SGTA: variants seen among roughly 807,000 people sequenced by gnomAD.
SGTA encodes small glutamine-rich tetratricopeptide repeat-containing protein alpha.
A neutral mutation model predicts 44.3 loss-of-function variants in SGTA; 22 were observed. That is an observed-to-expected ratio of 0.50 (90% CI 0.36 to 0.71). SGTA has a LOEUF of 0.71. Among genes scored for constraint, SGTA ranks in the 30% least tolerant of loss-of-function variants. The pLI is 0.00. For missense variants in SGTA, 341 were observed against 435.9 expected, an observed-to-expected ratio of 0.78 and a Z score of 1.94; for synonymous variants, 174 against 177.6, an observed-to-expected ratio of 0.98 and a Z score of 0.16.
chr19:2,763,809 G>T lies in SGTA; in HGVS notation c.393-52C>A. 1 of 1,497,284 alleles carries T rather than the reference G, an allele frequency of 6.7e-7. No homozygotes were observed. The highest frequency in any genetic ancestry group is 1.2e-5 in the South Asian group (1 of 85,814). The allele number at this position is 1,497,284 out of a possible 1,614,324, so 92.7% of individuals were successfully genotyped here. On this transcript the variant is annotated intron_variant, in intron 5 of 11. Coordinates refer to ENST00000221566, the MANE Select transcript of SGTA (RefSeq NM_003021.4). The surrounding 1 kb of genome is among the most constrained non-coding windows in gnomAD (Gnocchi z 5.8). Reference sequence around the variant, plus strand: ...CCTCACTGGCGGCTCTGAGCCCAGCGGGCAGCCCTTGAGGGGAGCCTGAGA... The same window carrying T: ...CCTCACTGGCGGCTCTGAGCCCAGCTGGCAGCCCTTGAGGGGAGCCTGAGA...
intron 11 of SGTA, among the ~76,000 whole-genome samples, chr19:2,756,683 C>T (rs1568306272): frequency 6.6e-6 from 1 of 151,824 alleles, no homozygotes; most frequent in Non-Finnish European, 1.5e-5. Flanking sequence ...GGACTGAACT[C>T]AGGGGAGCCT....
At chr19:2,756,486 G>A (rs142420855) in intron 11 of SGTA, among the ~76,000 whole-genome samples, 23 of 151,862 alleles carry the variant, frequency 1.5e-4, no homozygotes, top group Admixed American at 1.1e-3. Flanking sequence ...GATTGTTCTT[G>A]CTGCTTTTTA....
In SGTA at chr19:2,755,247, G is replaced by C. The variant is rs1568305756; in HGVS notation, c.*693C>G. The C allele has an allele frequency of 4.4e-6, 1 of 227,570 alleles. No homozygotes were observed. Among genetic ancestry groups the C allele is most frequent in the Non-Finnish European group, 7.4e-6 (1 of 135,206 alleles). The allele number at this position is 227,570 out of a possible 1,614,324, so 14.1% of individuals were successfully genotyped here. A position where few individuals can be genotyped will look rare whatever the true frequency, so the allele number is the denominator to read the frequency against. On this transcript the variant is annotated 3_prime_UTR_variant, in exon 12 of 12. Transcript: ENST00000221566. This position sits in a 1 kb window ranked among gnomAD's most constrained non-coding sequence, Gnocchi z 5.2. ...CTCTCAGTCGCGAGGACCAGAAAATGAGGGTGGGAGGAGGGGAAACATGTC... is the reference window on the plus strand; with the variant it reads ...CTCTCAGTCGCGAGGACCAGAAAATCAGGGTGGGAGGAGGGGAAACATGTC...
chr19:2,779,779 A>G (rs1301659249), intron 1 of SGTA, among the ~76,000 whole-genome samples: 1 of 152,116 alleles, frequency 6.6e-6, no homozygotes, highest in East Asian at 1.9e-4. Flanking sequence ...CAAAATCAAA[A>G]CACAGCCACC....
At chr19:2,771,928 C>T (rs1296454029) in intron 1 of SGTA, among the ~76,000 whole-genome samples, 1 of 152,242 alleles carries the variant, frequency 6.6e-6, no homozygotes, top group Non-Finnish European at 1.5e-5. Flanking sequence ...GCTGGGCAGC[C>T]GCCTTCCCTG....
chr19:2,764,244 C>A (rs1915079466), intron 5 of SGTA, among the ~76,000 whole-genome samples: 1 of 152,172 alleles, frequency 6.6e-6, no homozygotes, highest in South Asian at 2.1e-4. Flanking sequence ...GACAGGCGGC[C>A]AGGAACCCTG....
In SGTA at chr19:2,772,504, C is replaced by T. The variant is rs189500506; in HGVS notation, c.-23-3413G>A. ...CCCAGGGACCCTCTGCGCGCAGCCA[C>T]GCTGACAGGCGGCTCCAGGGGCTGA... On this transcript the variant is annotated intron_variant, in intron 1 of 11. Coordinates refer to ENST00000221566, the MANE Select transcript of SGTA (RefSeq NM_003021.4). Among the ~76,000 whole-genome samples, 526 of 152,340 alleles carry T rather than the reference C, an allele frequency of 3.5e-3. 9 individuals are homozygous for T. Among genetic ancestry groups the T allele is most frequent in the Non-Finnish European group, 3.0e-3 (201 of 68,030 alleles).
Position 2,767,980 on chromosome 19 carries a change from C to T in SGTA, c.101-294G>A, listed in dbSNP as rs548270736. ...GTGGGGTCCCAATGCTGGGGCTGCCCGGCTGCGGCGTGGTGGGGGCTTGGC... is the reference window on the plus strand; with the variant it reads ...GTGGGGTCCCAATGCTGGGGCTGCCTGGCTGCGGCGTGGTGGGGGCTTGGC... On this transcript the variant is annotated intron_variant, in intron 2 of 11. Transcript: ENST00000221566. The surrounding 1 kb of genome is among the most constrained non-coding windows in gnomAD (Gnocchi z 7.3). Among the ~76,000 whole-genome samples, 31 of 152,300 alleles carry T rather than the reference C, an allele frequency of 2.0e-4. No individual in the cohort carries two copies. Among genetic ancestry groups the T allele is most frequent in the Non-Finnish European group, 4.0e-4 (27 of 68,022 alleles).
rs1729291881 is a variant in SGTA at position 2,765,103 on chromosome 19, C to G, written c.392+83G>C. 6.5e-6 allele frequency: 6 copies of G among 927,318 alleles called. No individual in the cohort carries two copies. Among genetic ancestry groups the G allele is most frequent in the Admixed American group, 5.4e-5 (3 of 55,368 alleles). 57.4% of individuals were successfully genotyped at this position (927,318 alleles called of 1,614,324 possible). On this transcript the variant is annotated intron_variant, in intron 5 of 11. Transcript: ENST00000221566. This position sits in a 1 kb window ranked among gnomAD's most constrained non-coding sequence, Gnocchi z 5.5. Reference sequence around the variant, plus strand: ...CCTCATCTACAGCGCAGAGGCCTCTCCCATCTCAGGTCCCTGCTAAGCATC... The same window carrying G: ...CCTCATCTACAGCGCAGAGGCCTCTGCCATCTCAGGTCCCTGCTAAGCATC...
chr19:2,782,049 C>T (rs1422497604), intron 1 of SGTA, among the ~76,000 whole-genome samples: 1 of 152,172 alleles, frequency 6.6e-6, no homozygotes, highest in African/African-American at 2.4e-5. Flanking sequence ...ACCACGTTGG[C>T]TAGGCTGGTC....
rs1915061653 is a variant in SGTA, at chr19:2,763,579, C to A, written c.497+74G>T. 8.6e-6 allele frequency: 9 copies of A among 1,052,156 alleles called. No homozygotes were observed. The Admixed American group carries it at 1.8e-4, about 21-fold the overall frequency. The allele number at this position is 1,052,156 out of a possible 1,614,324, so 65.2% of individuals were successfully genotyped here. A position where few individuals can be genotyped will look rare whatever the true frequency, so the allele number is the denominator to read the frequency against. On this transcript the variant is annotated intron_variant, in intron 6 of 11. Transcript: ENST00000221566. The surrounding 1 kb of genome is among the most constrained non-coding windows in gnomAD (Gnocchi z 5.8). ...CGTTGTGGGTGGGAAAAAAGCCACA[C>A]AAGAGAGGAAGCAGGAGCAGGAGAG...
At chr19:2,759,493 G>C (rs1914925710) in intron 8 of SGTA, 199 bp from the exon 9 acceptor site, 1 of 582,680 alleles carries the variant, frequency 1.7e-6, no homozygotes, top group South Asian at 2.0e-5. Flanking sequence ...TCCACATTGT[G>C]ACTTAAATCC....
At chr19:2,769,363 C>G (rs1339954627) in intron 1 of SGTA, among the ~76,000 whole-genome samples, 2 of 152,194 alleles carry the variant, frequency 1.3e-5, no homozygotes, top group Non-Finnish European at 2.9e-5. Context: ...CCCAGGGCCT[C>G]CTGAGCACTC....
Position 2,767,268 on chromosome 19 carries a change from G to A in SGTA, c.208-48C>T, listed in dbSNP as rs371225135. 5.5e-5 allele frequency: 79 copies of A among 1,442,452 alleles called. No individual in the cohort carries two copies. Among genetic ancestry groups the A allele is most frequent in the African/African-American group, 5.2e-4 (37 of 71,430 alleles). 89.4% of individuals were successfully genotyped at this position (1,442,452 alleles called of 1,614,324 possible). A position where few individuals can be genotyped will look rare whatever the true frequency, so the allele number is the denominator to read the frequency against. On this transcript the variant is annotated intron_variant, in intron 3 of 11. Coordinates refer to ENST00000221566, the MANE Select transcript of SGTA (RefSeq NM_003021.4). This position sits in a 1 kb window ranked among gnomAD's most constrained non-coding sequence, Gnocchi z 7.3. The stretch of plus-strand genomic sequence containing the variant: ...CCCGCTGTCCTCTCCTCCCAACCTG[G>A]CACCCTCCGGCCTTAGCTTCCCTCG...
intron 9 of SGTA, among the ~76,000 whole-genome samples, chr19:2,758,789 A>AT (rs2144719491): frequency 6.6e-6 from 1 of 152,308 alleles, no homozygotes; most frequent in African/African-American, 2.4e-5. Context: ...ACACTGGAAT[A>AT]TTACTCAGCC....
In SGTA at chr19:2,763,962, C is replaced by T. The variant is rs1915073075; in HGVS notation, c.393-205G>A. 6.6e-6 allele frequency among the ~76,000 whole-genome samples: 1 copy of T among 152,154 alleles called. No individual in the cohort carries two copies. Among genetic ancestry groups the T allele is most frequent in the South Asian group, 2.1e-4 (1 of 4,832 alleles). On this transcript the variant is annotated intron_variant, in intron 5 of 11. Transcript: ENST00000221566. The surrounding 1 kb of genome is among the most constrained non-coding windows in gnomAD (Gnocchi z 5.8). The stretch of plus-strand genomic sequence containing the variant: ...TTAGACAAATGTGGGCTCAAAGCAC[C>T]AGCAGCCACTCAGGACTGCGACTCT...
chr19:2,771,749 C>A (rs900689465), intron 1 of SGTA, among the ~76,000 whole-genome samples: 1 of 152,254 alleles, frequency 6.6e-6, no homozygotes, highest in African/African-American at 2.4e-5. Context: ...ATTTGGAGAA[C>A]CTGCTCTGAG....
At chr19:2,781,061 C>T (rs1043874581) in intron 1 of SGTA, among the ~76,000 whole-genome samples, 4 of 152,114 alleles carry the variant, frequency 2.6e-5, no homozygotes, top group South Asian at 4.1e-4. Flanking sequence ...CCAGCCTGGG[C>T]GACAGAGCAA....
intron 7 of SGTA, 64 bp downstream of exon 7, chr19:2,762,442 G>A: frequency 1.9e-6 from 3 of 1,577,214 alleles, no homozygotes; most frequent in Non-Finnish European, 2.6e-6. Flanking sequence ...TGCGCCCGAG[G>A]ACCTGTCCCC....
Sources: allele counts gnomAD v4.1 joint callset (sites outside exome capture counted in the v4.1 genomes callset), GRCh38; gene constraint gnomAD v4.1.1; non-coding constraint Gnocchi (gnomAD v3.1); transcripts MANE v1.5; gene names NCBI Gene and HGNC (gene_info 2026-07-23, HGNC 2026-07-21).